Variants in ANKRD36C observed in about 807,000 individuals in gnomAD.
ANKRD36C encodes the protein ankyrin repeat domain 36C, also known as ankyrin repeat domain-containing protein 36C.
Under a neutral mutation model 276.4 loss-of-function variants are expected in ANKRD36C, and 61 were observed. That is an observed-to-expected ratio of 0.22 (90% confidence interval 0.18 to 0.27). The LOEUF (loss-of-function observed/expected upper bound fraction) is 0.27, where lower values mean the gene tolerates loss of function less well. Ranked by LOEUF, ANKRD36C falls within the 10% of genes least tolerant of loss-of-function variation. The pLI is 1.00. For synonymous variants in ANKRD36C, 483 were observed against 680.1 expected (o/e 0.71, Z 4.51); for missense variants, 1,447 against 2,032.3 (o/e 0.71, Z 5.54).
At chr2:95,912,564 TTG>T in intron 40 of ANKRD36C, 129 bp from the exon 43 acceptor site, 2 of 1,540,290 alleles carry the variant, frequency 1.3e-6, no homozygotes, top group South Asian at 2.3e-5. Flanking sequence ...GGCTTCTATT[TTG>T]TGTCTGGGGA....
At chr2:95,948,278 G>C (rs184614492) in intron 17 of ANKRD36C, among the ~76,000 whole-genome samples, 5 of 151,128 alleles carry the variant, frequency 3.3e-5, no homozygotes, top group Admixed American at 2.0e-4. Context: ...ACATTTTTCT[G>C]TCACTATGTA....
chr2:95,963,968 T>TATAA (rs1558658609), intron 6 of ANKRD36C, among the ~76,000 whole-genome samples: 117 of 50,658 alleles, frequency 2.3e-3, no homozygotes, highest in Admixed American at 4.6e-3. Context: ...AATATATATA[T>TATAA]ATAAATATAT....
chr2:95,849,809 T>C (rs1675250564), downstream of ANKRD36C, among the ~76,000 whole-genome samples: 1 of 152,194 alleles, frequency 6.6e-6, no homozygotes, highest in Non-Finnish European at 1.5e-5. Flanking sequence ...GCTTTGCTGA[T>C]CTGACAGGAG....
At chr2:95,864,415 T>C (rs1394143218) in intron 60 of ANKRD36C, among the ~76,000 whole-genome samples, 13 of 151,704 alleles carry the variant, frequency 8.6e-5, no homozygotes, top group South Asian at 2.1e-4. Context: ...TTCTTCAGCA[T>C]GATAAACAAC....
At chr2:95,923,417 C>T (rs1677324874) in intron 32 of ANKRD36C, 78 bp downstream of exon 32, 2 of 1,536,874 alleles carry the variant, frequency 1.3e-6, no homozygotes, top group Admixed American at 1.9e-5. Context: ...TGATGAGCCC[C>T]CCGCTGATTT....
intron 6 of ANKRD36C, among the ~76,000 whole-genome samples, chr2:95,973,569 TATAAA>T (rs761680913): frequency 8.1e-4 from 123 of 152,350 alleles, no homozygotes; most frequent in Non-Finnish European, 1.1e-3. Context: ...CTTAAGTTCT[TATAAA>T]ACTAAAAATA....
intron 50 of ANKRD36C, among the ~76,000 whole-genome samples, chr2:95,887,522 G>A (rs892372749): frequency 1.3e-4 from 19 of 151,488 alleles, no homozygotes; most frequent in African/African-American, 4.4e-4. Context: ...TCATTCTACA[G>A]TGTCTACAGG....
In ANKRD36C at chr2:95,856,848, T is replaced by C. The variant is rs75659782; in HGVS notation, c.4080+461A>G. Among the ~76,000 whole-genome samples the C allele has an allele frequency of 3.7e-4, 57 of 152,206 alleles. 1 individual carries two copies. The highest frequency in any genetic ancestry group is 2.9e-3 in the Admixed American group (45 of 15,286). On this transcript the variant is annotated intron_variant, in intron 62 of 66. Transcript: ENST00000456556. ...TGACTCTATTCCTAGTGCTCTTCCA[T>C]CAAATCAGTAACTTCTGTGAGGTAG...
At chr2:95,914,856 C>T (rs999625763) in intron 38 of ANKRD36C, among the ~76,000 whole-genome samples, 5 of 151,526 alleles carry the variant, frequency 3.3e-5, no homozygotes, top group African/African-American at 1.2e-4. Context: ...TTGCTGATAC[C>T]TAGTACATAA....
chr2:95,921,516 C>A lies in ANKRD36C; in HGVS notation c.2245+91G>T, dbSNP rs369328368. ...TCAGAATGTGCAGCTTCGGCGAGCC[C>A]CCCCACCTGCCCTCCACTGATTTAT... On this transcript the variant is annotated intron_variant, in intron 34 of 66. Coordinates refer to ENST00000456556, the Ensembl canonical transcript of ANKRD36C. The A allele has an allele frequency of 5.2e-5, 79 of 1,509,804 alleles. 1 individual carries two copies. In the South Asian group the frequency reaches 5.9e-4, roughly 11 times the overall value. The allele number at this position is 1,509,804 out of a possible 1,614,324, so 93.5% of individuals were successfully genotyped here.
chr2:95,955,361 A>T lies in ANKRD36C; in HGVS notation c.1137-1356T>A, dbSNP rs184074666. Reference sequence around the variant, plus strand: ...AGTTCCTCCAGTTAAACAAACAAAAAGGCAGCAAACTCTTCAGAACTCCTT... The same window carrying T: ...AGTTCCTCCAGTTAAACAAACAAAATGGCAGCAAACTCTTCAGAACTCCTT... On this transcript the variant is annotated intron_variant, in intron 13 of 66. Coordinates refer to ENST00000456556, the Ensembl canonical transcript of ANKRD36C. Among the ~76,000 whole-genome samples the T allele has an allele frequency of 2.7e-5, 4 of 150,722 alleles. No individual in the cohort carries two copies. In the East Asian group the frequency reaches 7.8e-4, roughly 30 times the overall value.
chr2:95,857,538 A>G, intron 61 of ANKRD36C, 46 bp from the exon 82 acceptor site: 1 of 1,509,772 alleles, frequency 6.6e-7, no homozygotes, highest in Non-Finnish European at 8.9e-7. Flanking sequence ...GTGAGGACTA[A>G]GCTCTAATTT....
intron 46 of ANKRD36C, 132 bp downstream of exon 66, chr2:95,891,533 T>A (rs1426606689): frequency 5.6e-6 from 7 of 1,257,336 alleles, no homozygotes; most frequent in Non-Finnish European, 7.6e-6. Flanking sequence ...AAGAACTTAT[T>A]TGAAATGAAG....
rs1423979398 is a variant in ANKRD36C, at chr2:95,917,837, T to C, written c.2347+18A>G. 2 of 1,587,222 alleles carry C rather than the reference T, an allele frequency of 1.3e-6. No individual in the cohort carries two copies. Among genetic ancestry groups the C allele is most frequent in the Admixed American group, 3.5e-5 (2 of 56,742 alleles). ...TATCTGGATTGAACGTGACATTAAATGTCTTTTGCAAAATTACCTGTCCCA... is the reference window on the plus strand; with the variant it reads ...TATCTGGATTGAACGTGACATTAAACGTCTTTTGCAAAATTACCTGTCCCA... On this transcript the variant is annotated intron_variant, in intron 36 of 66. Coordinates refer to ENST00000456556, the Ensembl canonical transcript of ANKRD36C.
chr2:95,939,765 A>G (rs200535656), intron 20 of ANKRD36C, among the ~76,000 whole-genome samples: 1,883 of 141,258 alleles, frequency 0.013, no homozygotes, highest in East Asian at 0.062. Flanking sequence ...AAGTGCTCTC[A>G]ATCATTAGTT....
chr2:95,948,439 G>T, intron 17 of ANKRD36C, 91 bp downstream of exon 17: 3 of 1,311,558 alleles, frequency 2.3e-6, no homozygotes, highest in Non-Finnish European at 3.1e-6. Context: ...ATAAAACAAT[G>T]ATAGGTAGAC....
intron 65 of ANKRD36C, 133 bp from the exon 86 acceptor site, chr2:95,851,920 G>A: frequency 9.0e-7 from 1 of 1,105,280 alleles, no homozygotes; most frequent in Non-Finnish European, 1.3e-6. Context: ...GGGCTACTGT[G>A]TCATTTTTCT....
chr2:95,964,709 T>C (rs536586106), intron 6 of ANKRD36C, among the ~76,000 whole-genome samples: 1 of 152,164 alleles, frequency 6.6e-6, no homozygotes, highest in African/African-American at 2.4e-5. Context: ...ATCTCTTATT[T>C]TGTCTCTATG....
chr2:95,912,915 T>C (rs1020339155), intron 40 of ANKRD36C, among the ~76,000 whole-genome samples: 1 of 151,432 alleles, frequency 6.6e-6, no homozygotes, highest in South Asian at 2.1e-4. Context: ...GACACTTCAG[T>C]TGAATGTACA....
Sources: gnomAD v4.1 joint callset for allele counts (sites outside exome capture counted in the v4.1 genomes callset) on GRCh38, gnomAD v4.1.1 for gene constraint, MANE v1.5 for transcripts, NCBI Gene and HGNC (gene_info 2026-07-23, HGNC 2026-07-21) for gene names.